Variants in F13A1 observed in about 807,000 individuals in gnomAD.
The protein encoded by F13A1 is coagulation factor XIII A chain, also known as FSF, A subunit.
Under a neutral mutation model 80.1 loss-of-function variants are expected in F13A1, and 47 were observed. The ratio of observed to expected loss-of-function variants is 0.59; its 90% confidence interval spans 0.46 to 0.75. The LOEUF is 0.75. Among genes scored for constraint, F13A1 ranks in the 30% least tolerant of loss-of-function variants. F13A1 has a pLI of 0.00. For synonymous variants in F13A1, 349 were observed against 344.9 expected (o/e 1.01, Z -0.13); for missense variants, 817 against 930.4 (o/e 0.88, Z 1.59).
At chr6:6,248,260 T>G in intron 6 of F13A1, 52 bp downstream of exon 6, 1 of 1,412,390 alleles carries the variant, frequency 7.1e-7, no homozygotes, top group South Asian at 1.2e-5. Flanking sequence ...GCATATATAC[T>G]GAGGCAAATG....
At chr6:6,298,320 G>A (rs1335307490) in intron 3 of F13A1, among the ~76,000 whole-genome samples, 6 of 148,378 alleles carry the variant, frequency 4.0e-5, no homozygotes, top group East Asian at 3.9e-4. Flanking sequence ...TTTCTGTCTC[G>A]TTGATCTGTC....
chr6:6,236,664 T>C (rs1757418004), intron 6 of F13A1, among the ~76,000 whole-genome samples: 1 of 152,188 alleles, frequency 6.6e-6, no homozygotes. Context: ...TTCTCTGTTA[T>C]AAACCTATCA....
At chr6:6,295,913 G>A (rs1228980956) in intron 3 of F13A1, among the ~76,000 whole-genome samples, 1 of 141,784 alleles carries the variant, frequency 7.1e-6, no homozygotes, top group Non-Finnish European at 1.5e-5. Flanking sequence ...ATCTTGAATT[G>A]ATTTTTGTAT....
chr6:6,230,274 G>T (rs1252099048), intron 6 of F13A1, among the ~76,000 whole-genome samples: 1 of 152,064 alleles, frequency 6.6e-6, no homozygotes, highest in Non-Finnish European at 1.5e-5. Flanking sequence ...AGTGAGACTG[G>T]CCCTTTGGTT....
chr6:6,179,700 C>T lies in F13A1; in HGVS notation c.1459+2288G>A, dbSNP rs1290650514. ...AAGAAACTATCCACTTGGGGTCAAACTCCAGCCCCGAAGCAGGATGAGTCG... is the reference window on the plus strand; with the variant it reads ...AAGAAACTATCCACTTGGGGTCAAATTCCAGCCCCGAAGCAGGATGAGTCG... On this transcript the variant is annotated intron_variant, in intron 11 of 14. Coordinates refer to ENST00000264870, the MANE Select transcript of F13A1 (RefSeq NM_000129.4). 7.2e-5 allele frequency among the ~76,000 whole-genome samples: 11 copies of T among 152,302 alleles called. No homozygotes were observed. In the South Asian group the frequency reaches 1.7e-3, roughly 23 times the overall value.
intron 13 of F13A1, among the ~76,000 whole-genome samples, chr6:6,159,932 T>G (rs1760542778): frequency 6.6e-6 from 1 of 152,102 alleles, no homozygotes; most frequent in South Asian, 2.1e-4. Flanking sequence ...GGGCCAGTGC[T>G]GAAAGAAAGT....
At chr6:6,226,137 C>T (rs76677973) in intron 6 of F13A1, among the ~76,000 whole-genome samples, 1,527 of 152,280 alleles carry the variant, frequency 0.01, 26 homozygotes, top group African/African-American at 0.034. Context: ...CTGAATCTAC[C>T]TCTCTTGGTG....
chr6:6,223,512 G>A (rs1284749852), intron 7 of F13A1, among the ~76,000 whole-genome samples: 3 of 152,018 alleles, frequency 2.0e-5, no homozygotes, highest in Non-Finnish European at 2.9e-5. Context: ...ATGAAGTTCC[G>A]GCTTCTATCT....
chr6:6,173,795 G>T (rs920129715), intron 12 of F13A1, among the ~76,000 whole-genome samples: 1 of 152,068 alleles, frequency 6.6e-6, no homozygotes, highest in African/African-American at 2.4e-5. Flanking sequence ...CCTAACTTGG[G>T]CGAGAGGCAC....
chr6:6,277,980 G>A (rs796103440), intron 3 of F13A1, among the ~76,000 whole-genome samples: 2 of 152,182 alleles, frequency 1.3e-5, no homozygotes, highest in Non-Finnish European at 2.9e-5. Flanking sequence ...GCCAGAGGCT[G>A]TGCTTCTCAG....
chr6:6,164,176 C>A (rs760231008), intron 13 of F13A1, among the ~76,000 whole-genome samples: 1 of 151,512 alleles, frequency 6.6e-6, no homozygotes, highest in Admixed American at 6.6e-5. Flanking sequence ...ATATGGCCAA[C>A]AAGCATATGA....
intron 6 of F13A1, among the ~76,000 whole-genome samples, chr6:6,240,733 A>G (rs1316657092): frequency 3.9e-5 from 6 of 152,212 alleles, no homozygotes; most frequent in African/African-American, 1.2e-4. Flanking sequence ...AAAATCTTCA[A>G]TGAACAGAAA....
intron 3 of F13A1, among the ~76,000 whole-genome samples, chr6:6,301,367 G>C (rs1758428826): frequency 6.6e-6 from 1 of 152,154 alleles, no homozygotes; most frequent in South Asian, 2.1e-4. Flanking sequence ...GTAGAGTGTG[G>C]AATTTTGTCA....
chr6:6,171,602 T>C (rs1263891474), intron 12 of F13A1, among the ~76,000 whole-genome samples: 1 of 152,222 alleles, frequency 6.6e-6, no homozygotes, highest in East Asian at 1.9e-4. Flanking sequence ...CCTTCCGCCC[T>C]ACTTCCTCTT....
chr6:6,316,422 T>C (rs1392819089), intron 2 of F13A1, among the ~76,000 whole-genome samples: 1 of 151,906 alleles, frequency 6.6e-6, no homozygotes, highest in Non-Finnish European at 1.5e-5. Flanking sequence ...AGAATGTCAC[T>C]TGGGTTGTGG....
At chr6:6,299,394 C>T (rs1438902850) in intron 3 of F13A1, among the ~76,000 whole-genome samples, 10 of 131,898 alleles carry the variant, frequency 7.6e-5, no homozygotes, top group South Asian at 2.4e-4. Flanking sequence ...ACCAATCAGA[C>T]GTAGATTTGG....
intron 2 of F13A1, among the ~76,000 whole-genome samples, chr6:6,309,478 T>C (rs1237476607): frequency 6.6e-6 from 1 of 152,122 alleles, no homozygotes; most frequent in Non-Finnish European, 1.5e-5. Context: ...GAAAGAAGGA[T>C]AGGTGAAGAC....
chr6:6,265,946 G>A (rs922030340), intron 4 of F13A1, among the ~76,000 whole-genome samples: 2 of 152,126 alleles, frequency 1.3e-5, no homozygotes, highest in Non-Finnish European at 2.9e-5. Flanking sequence ...TGGTGAGGTT[G>A]GTGCAAAAGT....
chr6:6,197,293 T>C lies in F13A1; in HGVS notation c.1146A>G (p.Thr382=). ...CAAATCCAACAGGAAGGTCAGGCCT[T>C]GTCATCCATGCTTCATTCCAGCAGT... ...NYHCWNEAWM[T]RPDLPVGFGG... The change falls in exon 9 of 15, where the codon ACA becomes ACG. Residue 382 remains threonine (T), a synonymous_variant. Transcript: ENST00000264870. The C allele has an allele frequency of 1.2e-6, 2 of 1,614,206 alleles. No homozygotes were observed. Among genetic ancestry groups the C allele is most frequent in the Non-Finnish European group, 1.7e-6 (2 of 1,180,040 alleles).
Sources: gnomAD v4.1 joint callset for allele counts (sites outside exome capture counted in the v4.1 genomes callset) on GRCh38, gnomAD v4.1.1 for gene constraint, MANE v1.5 for transcripts, NCBI Gene and HGNC (gene_info 2026-07-23, HGNC 2026-07-21) for gene names.